Variants in IGFBP5 observed in about 807,000 individuals in gnomAD.
IGFBP5 encodes insulin like growth factor binding protein 5, also known as insulin-like growth factor-binding protein 5.
In IGFBP5, 12 loss-of-function variants were observed where a neutral mutation model predicts 28.0. That is an observed-to-expected ratio of 0.43 (90% CI 0.27 to 0.69). The LOEUF is 0.69. IGFBP5 is among the 30% of genes least tolerant of loss of function. The pLI is 0.20. For missense variants in IGFBP5, 344 were observed against 381.6 expected, an observed-to-expected ratio of 0.90 and a Z score of 0.82; for synonymous variants, 152 against 150.2, an observed-to-expected ratio of 1.01 and a Z score of -0.09.
At chr2:216,677,617 C>A (rs1472543265) in intron 3 of IGFBP5, among the ~76,000 whole-genome samples, 1 of 152,128 alleles carries the variant, frequency 6.6e-6, no homozygotes, top group African/African-American at 2.4e-5. Flanking sequence ...CACGTGTCCA[C>A]CCCGGAGTCC....
In IGFBP5 at chr2:216,693,152, C is replaced by CTT. The variant is rs56749026; in HGVS notation, c.337+1285_337+1286dup. Among the ~76,000 whole-genome samples the CTT allele has an allele frequency of 3.3e-3, 486 of 147,230 alleles. 1 individual carries two copies. The highest frequency in any genetic ancestry group is 0.01 in the African/African-American group (402 of 40,192). ...CCAGACTTTTATGTAGTTTATTTAA[C>CTT]TTTTTTTTTTTTTAACTAAAGATCA... On this transcript the variant is annotated intron_variant, in intron 1 of 3. Transcript: ENST00000233813.
chr2:216,679,213 C>A lies in IGFBP5; in HGVS notation c.338-134G>T, dbSNP rs989630015. On this transcript the variant is annotated intron_variant, in intron 1 of 3. Coordinates refer to ENST00000233813, the MANE Select transcript of IGFBP5 (RefSeq NM_000599.4). The surrounding 1 kb of genome is among the most constrained non-coding windows in gnomAD (Gnocchi z 4.6). ...TGTGTCTCTGCCCTCCTGGAGCACA[C>A]CCTGAAAGCAGGGGGATAAGAACCA... 2 of 703,752 alleles carry A rather than the reference C, an allele frequency of 2.8e-6. No homozygotes were observed. The highest frequency in any genetic ancestry group is 5.1e-6 in the Non-Finnish European group (2 of 388,486). The allele number at this position is 703,752 out of a possible 1,614,324, so 43.6% of individuals were successfully genotyped here.
At chr2:216,690,551 C>T (rs1481587587) in intron 1 of IGFBP5, among the ~76,000 whole-genome samples, 2 of 152,288 alleles carry the variant, frequency 1.3e-5, no homozygotes, top group Non-Finnish European at 2.9e-5. Context: ...AATTCCTGCT[C>T]CCATGCCCTT....
intron 1 of IGFBP5, among the ~76,000 whole-genome samples, chr2:216,693,757 T>G (rs1412987111): frequency 6.6e-6 from 1 of 152,092 alleles, no homozygotes. Flanking sequence ...ATTTTGCAGT[T>G]AAATATGTTT....
chr2:216,677,739 G>A (rs948655972), intron 3 of IGFBP5, among the ~76,000 whole-genome samples: 1 of 152,204 alleles, frequency 6.6e-6, no homozygotes, highest in African/African-American at 2.4e-5. Flanking sequence ...AGGAGAGCCT[G>A]GCTGTGAAGG....
chr2:216,691,836 C>CGTGT (rs56040272), intron 1 of IGFBP5, among the ~76,000 whole-genome samples: 12,448 of 121,054 alleles, frequency 0.1, 767 homozygotes, highest in Admixed American at 0.16. Flanking sequence ...TATAATATGT[C>CGTGT]GTGTGTGTGT....
rs1004897011 is a variant in IGFBP5 at position 216,673,379 on chromosome 2, G to A, written c.*3372C>T. 1.3e-5 allele frequency: 2 copies of A among 152,440 alleles called. No homozygotes were observed. The highest frequency in any genetic ancestry group is 2.9e-5 in the Non-Finnish European group (2 of 68,176). The allele number at this position is 152,440 out of a possible 1,614,324, so 9.4% of individuals were successfully genotyped here. A position where few individuals can be genotyped will look rare whatever the true frequency, so the allele number is the denominator to read the frequency against. ...AGTGTCCCCAGGCCTGTCTGTCTAG[G>A]CCTGGCTGTCAAAGAAAGGTTCCAG... On this transcript the variant is annotated 3_prime_UTR_variant, in exon 4 of 4. Coordinates refer to ENST00000233813, the MANE Select transcript of IGFBP5 (RefSeq NM_000599.4). The surrounding 1 kb of genome is among the most constrained non-coding windows in gnomAD (Gnocchi z 4.3).
intron 1 of IGFBP5, among the ~76,000 whole-genome samples, chr2:216,682,468 G>C (rs1688987338): frequency 6.6e-6 from 1 of 152,200 alleles, no homozygotes; most frequent in Non-Finnish European, 1.5e-5. Flanking sequence ...GGAACAAGTA[G>C]ACTGGCTACT....
chr2:216,676,536 G>A lies in IGFBP5; in HGVS notation c.*215C>T, dbSNP rs987027600. 5.6e-6 allele frequency: 2 copies of A among 357,532 alleles called. No homozygotes were observed. Among genetic ancestry groups the A allele is most frequent in the Non-Finnish European group, 1.0e-5 (2 of 195,652 alleles). 22.1% of individuals were successfully genotyped at this position (357,532 alleles called of 1,614,324 possible). On this transcript the variant is annotated 3_prime_UTR_variant, in exon 4 of 4. Transcript: ENST00000233813. ...AAAAAGAAAACCATTTAAAGGGGGG[G>A]GGTGTCTTTTTAGCTTTTTGCATCT...
chr2:216,691,684 C>CT (rs1384284782), intron 1 of IGFBP5, among the ~76,000 whole-genome samples: 1 of 152,072 alleles, frequency 6.6e-6, no homozygotes, highest in African/African-American at 2.4e-5. Flanking sequence ...CTCCCAGAGG[C>CT]TTTGGCTGCC....
At position 216,679,859 on chromosome 2, in the gene IGFBP5, G is replaced by T. The variant is rs1247520923; in HGVS notation, c.338-780C>A. Among the ~76,000 whole-genome samples the T allele has an allele frequency of 6.6e-6, 1 of 152,202 alleles. No individual in the cohort carries two copies. Among genetic ancestry groups the T allele is most frequent in the Non-Finnish European group, 1.5e-5 (1 of 68,032 alleles). ...CGTTACTCAGCTCTGGACTGAGAGAGGCCGACAGCTGGCTGAGACCGGGAC... is the reference window on the plus strand; with the variant it reads ...CGTTACTCAGCTCTGGACTGAGAGATGCCGACAGCTGGCTGAGACCGGGAC... On this transcript the variant is annotated intron_variant, in intron 1 of 3. Transcript: ENST00000233813. This position sits in a 1 kb window ranked among gnomAD's most constrained non-coding sequence, Gnocchi z 4.6.
In IGFBP5 at chr2:216,680,135, C is replaced by T. The variant is rs112249720; in HGVS notation, c.338-1056G>A. Among the ~76,000 whole-genome samples the T allele has an allele frequency of 2.7e-3, 404 of 152,110 alleles. 3 individuals are homozygous for T. Among genetic ancestry groups the T allele is most frequent in the African/African-American group, 9.2e-3 (383 of 41,526 alleles). ...GGAACTTTAGATTGTTGTTTCCAGG[C>T]GGGCAGCGTGTGGCCAGGATGCCTC... On this transcript the variant is annotated intron_variant, in intron 1 of 3. Transcript: ENST00000233813.
In IGFBP5 at chr2:216,685,253, C is replaced by T. The variant is rs11575160; in HGVS notation, c.338-6174G>A. On this transcript the variant is annotated intron_variant, in intron 1 of 3. Transcript: ENST00000233813. The stretch of plus-strand genomic sequence containing the variant: ...CCAAGATCGTGCCACTACATTCCCC[C>T]CTGGGCAATAGTGTGACAAAAAAAA... Among the ~76,000 whole-genome samples the T allele has an allele frequency of 7.9e-3, 1,194 of 151,090 alleles. 17 individuals carry two copies. Among genetic ancestry groups the T allele is most frequent in the Non-Finnish European group, 8.9e-3 (602 of 67,872 alleles).
In IGFBP5 at chr2:216,676,415, C is replaced by A; in HGVS notation, c.*336G>T. On this transcript the variant is annotated 3_prime_UTR_variant, in exon 4 of 4. Transcript: ENST00000233813. ...CCTGCTTGTCTTCCTTTTCCTAACT[C>A]TATTCGTCTTTCTCTCTCTTCTACA... The A allele has an allele frequency of 5.6e-6, 1 of 179,732 alleles. No homozygotes were observed. 11.1% of individuals were successfully genotyped at this position (179,732 alleles called of 1,614,324 possible).
intron 1 of IGFBP5, among the ~76,000 whole-genome samples, chr2:216,682,272 C>G (rs1351124556): frequency 6.6e-6 from 1 of 152,114 alleles, no homozygotes; most frequent in African/African-American, 2.4e-5. Flanking sequence ...TTGTGGTCAC[C>G]TGTAGGCTCC....
chr2:216,683,475 T>C (rs1012961549), intron 1 of IGFBP5, among the ~76,000 whole-genome samples: 5 of 152,222 alleles, frequency 3.3e-5, no homozygotes, highest in Admixed American at 6.5e-5. Flanking sequence ...CTGCAGGATA[T>C]ATTTAAAGAG....
intron 1 of IGFBP5, among the ~76,000 whole-genome samples, chr2:216,681,568 C>T (rs978593699): frequency 3.9e-5 from 6 of 152,214 alleles, no homozygotes; most frequent in East Asian, 3.9e-4. Flanking sequence ...GAATCCTTTC[C>T]GTAGGCCATT....
chr2:216,677,271 T>G (rs1427796873), intron 3 of IGFBP5, among the ~76,000 whole-genome samples: 3 of 152,062 alleles, frequency 2.0e-5, no homozygotes, highest in Non-Finnish European at 4.4e-5. Flanking sequence ...CCCATTTGAG[T>G]TCCCCCAACG....
In IGFBP5 at chr2:216,694,264, C is replaced by T. The variant is rs894997888; in HGVS notation, c.337+175G>A. ...GGGATAGACTCGGCTAGACAGTTCC[C>T]CCGGGTAGCAGGATCCTCCAGGGCT... is the stretch of plus-strand genomic sequence containing the variant. On this transcript the variant is annotated intron_variant, in intron 1 of 3. Transcript: ENST00000233813. The surrounding 1 kb of genome is among the most constrained non-coding windows in gnomAD (Gnocchi z 5.2). Among the ~76,000 whole-genome samples, 10 of 152,074 alleles carry T rather than the reference C, an allele frequency of 6.6e-5. No homozygotes were observed. Among genetic ancestry groups the T allele is most frequent in the African/African-American group, 2.4e-4 (10 of 41,414 alleles).
Sources: gnomAD v4.1 joint callset for allele counts (sites outside exome capture counted in the v4.1 genomes callset) on GRCh38, gnomAD v4.1.1 for gene constraint, Gnocchi (gnomAD v3.1) non-coding constraint, MANE v1.5 for transcripts, NCBI Gene and HGNC (gene_info 2026-07-23, HGNC 2026-07-21) for gene names.